The following PCDHGB2 variants were observed in gnomAD, a reference collection of about 807,000 sequenced individuals.
PCDHGB2 encodes the protein protocadherin gamma subfamily B, 2, also known as protocadherin gamma-B2.
PCDHGB2 carries 55 observed loss-of-function variants against 59.3 expected under a neutral mutation model. That is an observed-to-expected ratio of 0.93 (90% CI 0.75 to 1.16). PCDHGB2 has a LOEUF of 1.16. PCDHGB2 is among the 50% of genes most tolerant of loss of function. The pLI is 0.00. For missense variants in PCDHGB2, 1,228 were observed against 1,198.5 expected, an observed-to-expected ratio of 1.02 and a Z score of -0.36; for synonymous variants, 516 against 512.0, an observed-to-expected ratio of 1.01 and a Z score of -0.11.
intron 1 of PCDHGB2, chr5:141,408,333 G>T (rs746692686): frequency 3.7e-6 from 6 of 1,613,924 alleles, no homozygotes; most frequent in Admixed American, 3.3e-5. Flanking sequence ...CTGGCCAAGG[G>T]CTCGGTGGTG....
intron 1 of PCDHGB2, among the ~76,000 whole-genome samples, chr5:141,448,728 C>T (rs575604763): frequency 6.6e-6 from 1 of 151,986 alleles, no homozygotes; most frequent in Non-Finnish European, 1.5e-5. Context: ...ATCACGAGGT[C>T]AGGAGATCGA....
At chr5:141,400,608 A>G in intron 1 of PCDHGB2, 1 of 1,580,872 alleles carries the variant, frequency 6.3e-7, no homozygotes, top group Admixed American at 1.7e-5. Flanking sequence ...TTTCAAGTCC[A>G]ATGAGTTGTC....
intron 3 of PCDHGB2, 69 bp from the exon 4 acceptor site, chr5:141,510,878 G>A (rs896348248): frequency 6.2e-7 from 1 of 1,610,438 alleles, no homozygotes; most frequent in African/African-American, 1.3e-5. Context: ...TTAACTGCTG[G>A]GGATATAAGA....
intron 1 of PCDHGB2, chr5:141,418,778 T>C (rs1256260275): frequency 6.2e-7 from 1 of 1,613,744 alleles, no homozygotes; most frequent in Non-Finnish European, 8.5e-7. Context: ...TCAGCAGCCT[T>C]TGGATTTTGA....
chr5:141,421,885 G>T, intron 1 of PCDHGB2: 1 of 1,613,692 alleles, frequency 6.2e-7, no homozygotes, highest in Non-Finnish European at 8.5e-7. Context: ...AGATGGAGGC[G>T]ATCCCATCCG....
intron 1 of PCDHGB2, chr5:141,415,469 C>T (rs1247738517): frequency 1.9e-6 from 3 of 1,614,208 alleles, no homozygotes; most frequent in South Asian, 2.2e-5. Flanking sequence ...TCTCTCACCG[C>T]GGACTCGCGA....
chr5:141,490,688 CTG>C lies in PCDHGB2; in HGVS notation c.2422-4118_2422-4117del. 6.2e-7 allele frequency: 1 copy of C among 1,614,218 alleles called. No homozygotes were observed. On this transcript the variant is annotated intron_variant, in intron 1 of 3. Coordinates refer to ENST00000522605, the MANE Select transcript of PCDHGB2 (RefSeq NM_018923.3). This position sits in a 1 kb window ranked among gnomAD's most constrained non-coding sequence, Gnocchi z 5.4. ...ACTGTGGCTGCCTCAGATCCAGACA[CTG>C]GGGATAATGCCCGCCTCACCTACTC... is the stretch of plus-strand genomic sequence containing the variant.
At chr5:141,474,652 T>C (rs962582027) in intron 1 of PCDHGB2, among the ~76,000 whole-genome samples, 1 of 152,206 alleles carries the variant, frequency 6.6e-6, no homozygotes, top group African/African-American at 2.4e-5. Context: ...TCCTTACTTC[T>C]TTTCTACCTA....
At chr5:141,389,860 A>G (rs1274502656) in intron 1 of PCDHGB2, 2 of 1,614,052 alleles carry the variant, frequency 1.2e-6, no homozygotes, top group African/African-American at 2.7e-5. Flanking sequence ...GCCACGTTGC[A>G]CCTGGTCTTC....
rs1561526575 is a variant in PCDHGB2 at position 141,362,353 on chromosome 5, C to T, written c.2218C>T (p.Leu740Phe). 3.1e-6 allele frequency: 5 copies of T among 1,613,956 alleles called. No homozygotes were observed. Among genetic ancestry groups the T allele is most frequent in the South Asian group, 1.1e-5 (1 of 91,096 alleles). The stretch of plus-strand genomic sequence containing the variant: ...CAGCTCCAAGCCTGGACCTGGGGTT[C>T]TCCCCAATTACAGTGAGGGTACATT... The part of the protein sequence containing the change: ...GLSSKPGPGV[L>F]PNYSEGTLPY... Residue 740 changes from leucine (L) to phenylalanine (F), a missense_variant, in exon 1 of 4, where the codon CTC becomes TTC. Coordinates refer to ENST00000522605, the MANE Select transcript of PCDHGB2 (RefSeq NM_018923.3).
At chr5:141,405,397 T>A (rs1383127737) in intron 1 of PCDHGB2, 3 of 1,591,464 alleles carry the variant, frequency 1.9e-6, no homozygotes, top group Admixed American at 1.8e-5. Context: ...TTTTTTTCTT[T>A]CTTTCTTTTC....
intron 1 of PCDHGB2, among the ~76,000 whole-genome samples, chr5:141,480,916 A>C (rs991166066): frequency 6.6e-6 from 1 of 152,106 alleles, no homozygotes; most frequent in East Asian, 1.9e-4. Flanking sequence ...ATGGTGGCGC[A>C]TACCTGTAGT....
At position 141,491,765 on chromosome 5, in the gene PCDHGB2, A is replaced by C; in HGVS notation, c.2422-3042A>C. 1 of 1,569,230 alleles carries C rather than the reference A, an allele frequency of 6.4e-7. No homozygotes were observed. On this transcript the variant is annotated intron_variant, in intron 1 of 3. Coordinates refer to ENST00000522605, the MANE Select transcript of PCDHGB2 (RefSeq NM_018923.3). This position sits in a 1 kb window ranked among gnomAD's most constrained non-coding sequence, Gnocchi z 6.9. The stretch of plus-strand genomic sequence containing the variant: ...GGCACTGGAGAAGCCGCCCGTCCTC[A>C]TAAGGGATTGAACTTGCATCCACTC...
intron 1 of PCDHGB2, chr5:141,408,114 C>G: frequency 6.8e-7 from 1 of 1,461,086 alleles, no homozygotes; most frequent in East Asian, 2.5e-5. Flanking sequence ...CGGGACTCCT[C>G]CTGTCCTGGG....
In PCDHGB2 at chr5:141,511,281, G is replaced by A; in HGVS notation, c.*108G>A. The A allele has an allele frequency of 2.0e-6, 3 of 1,531,280 alleles. No homozygotes were observed. Among genetic ancestry groups the A allele is most frequent in the Non-Finnish European group, 2.6e-6 (3 of 1,137,132 alleles). 94.9% of individuals were successfully genotyped at this position (1,531,280 alleles called of 1,614,324 possible). ...TTCAGGGCTAACCCCCAGAATACTG[G>A]TAGGGGCCAAGGCCATGCTCCCCTT... On this transcript the variant is annotated 3_prime_UTR_variant, in exon 4 of 4. Transcript: ENST00000522605.
chr5:141,495,469 C>G (rs1398171981), intron 2 of PCDHGB2, among the ~76,000 whole-genome samples: 1 of 152,220 alleles, frequency 6.6e-6, no homozygotes, highest in Non-Finnish European at 1.5e-5. Flanking sequence ...TGTGGGGTCT[C>G]CGTGTCTCTG....
chr5:141,378,684 A>AT (rs1775094609), intron 1 of PCDHGB2: 1 of 152,256 alleles, frequency 6.6e-6, no homozygotes, highest in East Asian at 1.9e-4. Flanking sequence ...ATATTTTAGC[A>AT]TTTTAACCCA....
intron 1 of PCDHGB2, among the ~76,000 whole-genome samples, chr5:141,469,859 A>C (rs2099213257): frequency 6.6e-6 from 1 of 152,080 alleles, no homozygotes; most frequent in Non-Finnish European, 1.5e-5. Context: ...GACCGGGTGC[A>C]ATGGCTCACG....
Position 141,441,858 on chromosome 5 carries a change from C to T in PCDHGB2, c.2422-52949C>T, listed in dbSNP as rs535716058. The T allele has an allele frequency of 6.0e-5, 21 of 349,416 alleles. No homozygotes were observed. The East Asian group carries it at 7.4e-4, about 12-fold the overall frequency. The allele number at this position is 349,416 out of a possible 1,614,324, so 21.6% of individuals were successfully genotyped here. On this transcript the variant is annotated intron_variant, in intron 1 of 3. Coordinates refer to ENST00000522605, the MANE Select transcript of PCDHGB2 (RefSeq NM_018923.3). ...TCGCGCTCTTGGATATGGTGCTGCA[C>T]GCCGCGGAGCCTGGCTACCTGGTCA...
Sources: gnomAD v4.1 joint callset for allele counts (sites outside exome capture counted in the v4.1 genomes callset) on GRCh38, gnomAD v4.1.1 for gene constraint, Gnocchi (gnomAD v3.1) non-coding constraint, MANE v1.5 for transcripts, NCBI Gene and HGNC (gene_info 2026-07-23, HGNC 2026-07-21) for gene names.